TMEM35A: variants seen among roughly 807,000 people sequenced by gnomAD.
TMEM35A encodes nicotinic acetylcholine receptor chaperone.
For missense variants in TMEM35A, 83 were observed against 132.7 expected, an observed-to-expected ratio of 0.63 and a Z score of 1.84; for synonymous variants, 50 against 54.7, an observed-to-expected ratio of 0.91 and a Z score of 0.38.
At chrX:101,090,034 T>G (rs1418278600) in intron 1 of TMEM35A, among the ~76,000 whole-genome samples, 1 of 111,741 alleles carries the variant, frequency 8.9e-6, no homozygotes, top group East Asian at 2.8e-4. Context: ...GTCTAGCATT[T>G]GGCACTTTTG....
At chrX:101,091,734 T>C (rs1302741987) in intron 1 of TMEM35A, among the ~76,000 whole-genome samples, 1 of 112,296 alleles carries the variant, frequency 8.9e-6, no homozygotes, top group African/African-American at 3.2e-5. Context: ...TCTCCCCTCC[T>C]TCCCTTCCCT....
intron 1 of TMEM35A, 145 bp from the exon 2 acceptor site, chrX:101,094,428 A>G: frequency 3.7e-6 from 2 of 538,350 alleles, no homozygotes; most frequent in Non-Finnish European, 5.5e-6. Context: ...TAGTTTAATT[A>G]CATATAATTA....
At chrX:101,087,994 A>G (rs917880124) in intron 1 of TMEM35A, among the ~76,000 whole-genome samples, 2 of 110,756 alleles carry the variant, frequency 1.8e-5, no homozygotes, top group African/African-American at 6.6e-5. Flanking sequence ...CCTGGGCGAC[A>G]GAGTGAGACT....
intron 1 of TMEM35A, among the ~76,000 whole-genome samples, chrX:101,079,550 A>G (rs973046790): frequency 1.8e-4 from 20 of 111,248 alleles, no homozygotes; most frequent in Middle Eastern, 4.6e-3. Context: ...GGGAAAGAGG[A>G]AAAGAGCTGG....
At chrX:101,092,013 A>G (rs891654126) in intron 1 of TMEM35A, among the ~76,000 whole-genome samples, 3 of 111,019 alleles carry the variant, frequency 2.7e-5, no homozygotes, top group African/African-American at 9.8e-5. Flanking sequence ...TGTATCCAGC[A>G]CTTATAACAC....
At chrX:101,091,584 C>A (rs1163025955) in intron 1 of TMEM35A, among the ~76,000 whole-genome samples, 1 of 112,310 alleles carries the variant, frequency 8.9e-6, no homozygotes, top group Non-Finnish European at 1.9e-5. Flanking sequence ...GGATTACAGG[C>A]GTGAGCCACC....
chrX:101,081,180 G>A (rs2089290792), intron 1 of TMEM35A, among the ~76,000 whole-genome samples: 1 of 112,602 alleles, frequency 8.9e-6, no homozygotes, highest in Non-Finnish European at 1.9e-5. Flanking sequence ...GCACTTCTGT[G>A]CTAGGGGCAT....
intron 1 of TMEM35A, among the ~76,000 whole-genome samples, chrX:101,092,991 G>A (rs1264768993): frequency 2.7e-5 from 3 of 112,553 alleles, no homozygotes; most frequent in African/African-American, 9.6e-5. Context: ...ATATTTTAAA[G>A]ATATATAAAG....
chrX:101,090,013 T>C (rs1163227434), intron 1 of TMEM35A, among the ~76,000 whole-genome samples: 1 of 111,576 alleles, frequency 9.0e-6, no homozygotes, highest in Non-Finnish European at 1.9e-5. Flanking sequence ...TTCTGCCTCA[T>C]TCTTACACTT....
intron 1 of TMEM35A, among the ~76,000 whole-genome samples, chrX:101,093,752 G>A (rs1188102486): frequency 8.9e-6 from 1 of 112,109 alleles, no homozygotes; most frequent in Non-Finnish European, 1.9e-5. Flanking sequence ...AAACTGGGTA[G>A]CTTATAAACA....
chrX:101,095,049 C>T lies in TMEM35A; in HGVS notation c.*93C>T. The T allele has an allele frequency of 1.0e-6, 1 of 1,000,170 alleles. No homozygotes were observed. 82.4% of individuals were successfully genotyped at this position (1,000,170 alleles called of 1,213,427 possible). A position where few individuals can be genotyped will look rare whatever the true frequency, so the allele number is the denominator to read the frequency against. On this transcript the variant is annotated 3_prime_UTR_variant, in exon 2 of 2. Transcript: ENST00000372930. ...TGTGTTTTTCATTTGATTTATTTATCTTGGGGAAAGTGAAAAATGTAATCT... is the reference window on the plus strand; with the variant it reads ...TGTGTTTTTCATTTGATTTATTTATTTTGGGGAAAGTGAAAAATGTAATCT...
intron 1 of TMEM35A, among the ~76,000 whole-genome samples, chrX:101,085,097 C>T (rs1386068481): frequency 9.0e-6 from 1 of 111,310 alleles, no homozygotes; most frequent in Non-Finnish European, 1.9e-5. Flanking sequence ...ACCTAATTGG[C>T]ATGAGTGAAC....
Position 101,088,905 on chromosome X carries a change from A to C in TMEM35A, c.121-5668A>C, listed in dbSNP as rs540890600. 5.0e-4 allele frequency among the ~76,000 whole-genome samples: 55 copies of C among 110,840 alleles called. No individual in the cohort carries two copies. The South Asian group carries it at 0.021, about 43-fold the overall frequency. On this transcript the variant is annotated intron_variant, in intron 1 of 1. Transcript: ENST00000372930. The stretch of plus-strand genomic sequence containing the variant: ...CAGAGTGGGATTCTGCCTCAAAAAA[A>C]AAAAGTGTTATGGAAGCCTCTGGGG...
At chrX:101,094,408 C>A in intron 1 of TMEM35A, 165 bp from the exon 2 acceptor site, 1 of 457,640 alleles carries the variant, frequency 2.2e-6, no homozygotes, top group Non-Finnish European at 3.4e-6. Flanking sequence ...AGCCACTGTG[C>A]CTGGCCTCTT....
In TMEM35A at chrX:101,095,277, T is replaced by C. The variant is rs977665731; in HGVS notation, c.*321T>C. 4.5e-6 allele frequency: 1 copy of C among 221,197 alleles called. No individual in the cohort carries two copies. Among genetic ancestry groups the C allele is most frequent in the Non-Finnish European group, 7.8e-6 (1 of 128,657 alleles). The allele number at this position is 221,197 out of a possible 1,213,427, so 18.2% of individuals were successfully genotyped here. A position where few individuals can be genotyped will look rare whatever the true frequency, so the allele number is the denominator to read the frequency against. On this transcript the variant is annotated 3_prime_UTR_variant, in exon 2 of 2. Coordinates refer to ENST00000372930, the MANE Select transcript of TMEM35A (RefSeq NM_021637.3). ...GTGAGATTGTGTGTGGGAAAATGTA[T>C]TTAACTACTCTGTGTGTGTGTGTGT... is the stretch of plus-strand genomic sequence containing the variant.
chrX:101,090,169 C>CA (rs2089319399), intron 1 of TMEM35A, among the ~76,000 whole-genome samples: 1 of 97,527 alleles, frequency 1.0e-5, no homozygotes, highest in Non-Finnish European at 2.0e-5. Context: ...TTCTTTCTTT[C>CA]TTTTTTTTTT....
At position 101,079,069 on chromosome X, in the gene TMEM35A, A is replaced by G; in HGVS notation, c.67A>G (p.Met23Val). 1.7e-6 allele frequency: 2 copies of G among 1,211,048 alleles called. No homozygotes were observed. Among genetic ancestry groups the G allele is most frequent in the South Asian group, 1.8e-5 (1 of 56,891 alleles). ...GGCCCTGGGACTCTTCTTTGTTTTCATGGGGACTATCAAGCTGACCCCCAG... is the reference window on the plus strand; with the variant it reads ...GGCCCTGGGACTCTTCTTTGTTTTCGTGGGGACTATCAAGCTGACCCCCAG... ...SVALGLFFVF[M>V]GTIKLTPRLS... The change falls in exon 1 of 2, where the codon ATG becomes GTG. Residue 23 changes from methionine (M) to valine (V), a missense_variant. Coordinates refer to ENST00000372930, the MANE Select transcript of TMEM35A (RefSeq NM_021637.3).
Sources: allele counts gnomAD v4.1 joint callset (sites outside exome capture counted in the v4.1 genomes callset), GRCh38; gene constraint gnomAD v4.1.1; transcripts MANE v1.5; gene names NCBI Gene and HGNC (gene_info 2026-07-23, HGNC 2026-07-21).